The following SYNE1 variants were observed in gnomAD, a reference collection of about 807,000 sequenced individuals.
The protein encoded by SYNE1 is spectrin repeat containing nuclear envelope protein 1.
In SYNE1, 616 loss-of-function variants were observed where a neutral mutation model predicts 1,111.0. That is an observed-to-expected ratio of 0.55 (90% CI 0.52 to 0.59). The LOEUF is 0.59. Ranked by LOEUF, SYNE1 falls within the 20% of genes least tolerant of loss-of-function variation. SYNE1 has a pLI of 0.00. For synonymous variants in SYNE1, 3,855 were observed against 3,825.8 expected (o/e 1.01, Z -0.28); for missense variants, 10,006 against 10,417.0 (o/e 0.96, Z 1.72).
chr6:152,572,323 G>C (rs192382851), intron 3 of SYNE1, among the ~76,000 whole-genome samples: 1 of 152,158 alleles, frequency 6.6e-6, no homozygotes, highest in African/African-American at 2.4e-5. Flanking sequence ...ATTCTTAAAG[G>C]AGGGTCCATT....
chr6:152,301,280 A>G (rs1007174331), intron 92 of SYNE1, among the ~76,000 whole-genome samples: 1 of 152,232 alleles, frequency 6.6e-6, no homozygotes, highest in African/African-American at 2.4e-5. Flanking sequence ...GGGAAACATT[A>G]TAGTCACCAA....
chr6:152,387,527 A>C, intron 53 of SYNE1, 146 bp from the exon 54 acceptor site: 1 of 765,098 alleles, frequency 1.3e-6, no homozygotes, highest in Non-Finnish European at 2.2e-6. Context: ...GCAGGGAGAA[A>C]CACTACTTCT....
At chr6:152,558,234 A>G (rs865875402) in intron 3 of SYNE1, among the ~76,000 whole-genome samples, 1 of 152,170 alleles carries the variant, frequency 6.6e-6, no homozygotes, top group African/African-American at 2.4e-5. Flanking sequence ...ACATACCACC[A>G]CAAAAAAAAT....
intron 38 of SYNE1, among the ~76,000 whole-genome samples, chr6:152,427,290 T>C (rs1041917769): frequency 6.6e-6 from 1 of 152,236 alleles, no homozygotes; most frequent in African/African-American, 2.4e-5. Flanking sequence ...GAACACCCTT[T>C]ATTGCCCAAA....
intron 8 of SYNE1, among the ~76,000 whole-genome samples, chr6:152,506,772 T>C (rs966624309): frequency 6.6e-6 from 1 of 152,122 alleles, no homozygotes. Context: ...TTTGTATTAT[T>C]CATCATGTTG....
intron 98 of SYNE1, among the ~76,000 whole-genome samples, chr6:152,272,251 C>T (rs1423805833): frequency 6.6e-6 from 1 of 152,142 alleles, no homozygotes. Flanking sequence ...TAAGAAGGTG[C>T]AGCCAGAAGG....
chr6:152,550,771 C>T (rs1035207329), intron 3 of SYNE1, among the ~76,000 whole-genome samples: 1 of 152,130 alleles, frequency 6.6e-6, no homozygotes, highest in African/African-American at 2.4e-5. Flanking sequence ...GGTGCTGCCA[C>T]AGACTCTGAT....
intron 81 of SYNE1, among the ~76,000 whole-genome samples, chr6:152,324,202 A>G (rs1313974219): frequency 6.6e-6 from 1 of 151,864 alleles, no homozygotes; most frequent in African/African-American, 2.4e-5. Flanking sequence ...AGCTTGAGAC[A>G]AGCCTGACAA....
chr6:152,505,097 T>C, intron 9 of SYNE1, 104 bp downstream of exon 9: 2 of 1,316,056 alleles, frequency 1.5e-6, no homozygotes, highest in Non-Finnish European at 2.2e-6. Context: ...TTCTCCAGCT[T>C]TCTGGCCTCC....
chr6:152,635,890 A>C (rs897569522), intron 2 of SYNE1, among the ~76,000 whole-genome samples: 1 of 152,146 alleles, frequency 6.6e-6, no homozygotes, highest in Non-Finnish European at 1.5e-5. Flanking sequence ...TCCAGCATCC[A>C]AAGTCTGGGA....
chr6:152,347,892 T>C (rs2096667005), intron 72 of SYNE1, among the ~76,000 whole-genome samples: 3 of 151,274 alleles, frequency 2.0e-5, no homozygotes, highest in Middle Eastern at 3.4e-3. Flanking sequence ...AGTTTTACCA[T>C]GTTGGCCAGC....
intron 35 of SYNE1, 45 bp downstream of exon 35, chr6:152,430,437 C>A: frequency 6.5e-7 from 1 of 1,534,898 alleles, no homozygotes; most frequent in African/African-American, 1.4e-5. Flanking sequence ...CCCACAAATA[C>A]AATGTGAAAT....
chr6:152,525,043 T>A (rs962230288), intron 5 of SYNE1, among the ~76,000 whole-genome samples: 1 of 151,950 alleles, frequency 6.6e-6, no homozygotes, highest in Non-Finnish European at 1.5e-5. Context: ...GCTGTCAGAG[T>A]ATATGGGAAT....
chr6:152,432,508 T>C (rs169977), intron 34 of SYNE1, among the ~76,000 whole-genome samples: 32,138 of 152,030 alleles, frequency 0.21, 3,601 homozygotes, highest in East Asian at 0.38. Flanking sequence ...GTATTTCTAG[T>C]CTGATAAAAT....
At chr6:152,184,623 T>C (rs1286941706) in intron 128 of SYNE1, among the ~76,000 whole-genome samples, 1 of 142,306 alleles carries the variant, frequency 7.0e-6, no homozygotes, top group Non-Finnish European at 1.5e-5. Context: ...AGCTGGATTA[T>C]ACACATATAT....
At chr6:152,513,814 G>T (rs2099098056) in intron 6 of SYNE1, among the ~76,000 whole-genome samples, 1 of 152,068 alleles carries the variant, frequency 6.6e-6, no homozygotes, top group Non-Finnish European at 1.5e-5. Context: ...CAAAAAGTGG[G>T]CAAAGGATAT....
chr6:152,251,803 C>G (rs924200933), intron 104 of SYNE1, among the ~76,000 whole-genome samples: 5 of 152,084 alleles, frequency 3.3e-5, no homozygotes, highest in African/African-American at 4.8e-5. Context: ...AAGAATTGAA[C>G]TATTTTTGTA....
chr6:152,377,628 AAAAAAAAAAAAAATATATATAT>A (rs1159444832), intron 56 of SYNE1, among the ~76,000 whole-genome samples: 2 of 97,854 alleles, frequency 2.0e-5, no homozygotes, highest in African/African-American at 9.7e-5. Context: ...AAAAAAAAAA[AAAAAAAAAAAAAATATATATAT>A]ATATATATAT....
intron 17 of SYNE1, 36 bp from the exon 18 acceptor site, chr6:152,465,496 A>C: frequency 1.9e-6 from 3 of 1,576,010 alleles, no homozygotes; most frequent in Non-Finnish European, 1.7e-6. Context: ...CCCTTATCTC[A>C]TATTTTAAAT....
Sources: gnomAD v4.1 joint callset for allele counts (sites outside exome capture counted in the v4.1 genomes callset) on GRCh38, gnomAD v4.1.1 for gene constraint, MANE v1.5 for transcripts, NCBI Gene and HGNC (gene_info 2026-07-23, HGNC 2026-07-21) for gene names.